MYO3B: variants seen among roughly 807,000 people sequenced by gnomAD.
MYO3B encodes myosin-IIIb.
A neutral mutation model predicts 174.6 loss-of-function variants in MYO3B; 156 were observed. The observed-to-expected ratio is 0.89, with a 90% CI of 0.78 to 1.02. The LOEUF (loss-of-function observed/expected upper bound fraction) is 1.02, where lower values mean the gene tolerates loss of function less well. Among genes scored for constraint, MYO3B ranks in the 50% least tolerant of loss-of-function variants. The pLI is 0.00. For synonymous variants in MYO3B, 563 were observed against 569.1 expected (o/e 0.99, Z 0.15); for missense variants, 1,632 against 1,639.4 (o/e 1.00, Z 0.08).
chr2:170,230,857 C>T (rs1304357886), intron 6 of MYO3B, among the ~76,000 whole-genome samples: 3 of 152,056 alleles, frequency 2.0e-5, no homozygotes, highest in Non-Finnish European at 2.9e-5. Flanking sequence ...AAAGGGGTTG[C>T]TTGGTTTGCT....
intron 8 of MYO3B, among the ~76,000 whole-genome samples, chr2:170,339,404 T>A (rs1237910594): frequency 2.0e-5 from 3 of 152,184 alleles, no homozygotes; most frequent in African/African-American, 7.2e-5. Context: ...ACTCTAGGTC[T>A]TTTTTAGTCC....
intron 7 of MYO3B, among the ~76,000 whole-genome samples, chr2:170,292,500 T>C (rs1013663194): frequency 6.6e-6 from 1 of 152,214 alleles, no homozygotes; most frequent in East Asian, 1.9e-4. Context: ...GTCTATGTCT[T>C]TGAAGGACTA....
At chr2:170,601,928 C>T in intron 32 of MYO3B, 1 of 829,994 alleles carries the variant, frequency 1.2e-6, no homozygotes, top group South Asian at 1.6e-5. Context: ...AGCAAAAAGG[C>T]CGAAGGAGGC....
chr2:170,190,717 G>T (rs73025134), intron 1 of MYO3B, among the ~76,000 whole-genome samples: 8,250 of 152,034 alleles, frequency 0.054, 549 homozygotes, highest in East Asian at 0.3. Context: ...AATGCTGCCA[G>T]GCCTGGGACT....
At chr2:170,362,166 C>T (rs1231547479) in intron 8 of MYO3B, among the ~76,000 whole-genome samples, 1 of 152,188 alleles carries the variant, frequency 6.6e-6, no homozygotes. Context: ...CCCATTTGCT[C>T]AGAGATGTGA....
chr2:170,653,079 T>C lies in MYO3B; in HGVS notation c.3984T>C (p.Phe1328=). 1 of 1,614,174 alleles carries C rather than the reference T, an allele frequency of 6.2e-7. No homozygotes were observed. The highest frequency in any genetic ancestry group is 2.2e-5 in the East Asian group (1 of 44,884). The change falls in exon 35 of 35, where the codon TTT becomes TTC. Residue 1328 remains phenylalanine, a synonymous_variant. Transcript: ENST00000408978. ...PEENNSAHPS[F]FSSSSKGDSF... ...AGAACAACTCAGCCCACCCTTCCTT[T>C]TTTTCTTCATCCTCAAAAGGAGACT... is the stretch of plus-strand genomic sequence containing the variant.
intron 9 of MYO3B, among the ~76,000 whole-genome samples, chr2:170,371,868 T>G (rs184333538): frequency 6.6e-5 from 10 of 151,924 alleles, no homozygotes; most frequent in Admixed American, 2.0e-4. Context: ...GTTGGGAGGC[T>G]GAGATAGGAG....
chr2:170,327,950 G>A (rs2093881348), intron 7 of MYO3B, among the ~76,000 whole-genome samples: 3 of 151,242 alleles, frequency 2.0e-5, no homozygotes, highest in African/African-American at 7.3e-5. Flanking sequence ...CACCCAGGCT[G>A]GAGTACAGTG....
At chr2:170,292,856 C>T (rs55858345) in intron 7 of MYO3B, among the ~76,000 whole-genome samples, 70,539 of 152,050 alleles carry the variant, frequency 0.46, 17,807 homozygotes, top group East Asian at 0.67. Context: ...GGTAGTCCTG[C>T]CTCCCACCTT....
chr2:170,515,935 GA>G (rs1367486176), intron 29 of MYO3B, among the ~76,000 whole-genome samples: 1 of 152,114 alleles, frequency 6.6e-6, no homozygotes, highest in Non-Finnish European at 1.5e-5. Context: ...AGTGTTTCTT[GA>G]ACTTGAGGAG....
At chr2:170,226,247 A>C (rs1310014964) in intron 6 of MYO3B, among the ~76,000 whole-genome samples, 2 of 152,228 alleles carry the variant, frequency 1.3e-5, no homozygotes, top group African/African-American at 4.8e-5. Context: ...GAGTTAAATG[A>C]GAGGTTTAGA....
chr2:170,311,590 A>G (rs774705704), intron 7 of MYO3B, among the ~76,000 whole-genome samples: 6 of 150,276 alleles, frequency 4.0e-5, no homozygotes, highest in Non-Finnish European at 8.8e-5. Context: ...ATGTCCTTTG[A>G]AACATAAAAG....
At chr2:170,512,536 A>G (rs969817691) in intron 28 of MYO3B, among the ~76,000 whole-genome samples, 3 of 152,140 alleles carry the variant, frequency 2.0e-5, no homozygotes, top group Non-Finnish European at 4.4e-5. Context: ...TACCCAGCCT[A>G]GATCACCAAC....
chr2:170,485,155 G>A (rs538064962), intron 25 of MYO3B, among the ~76,000 whole-genome samples: 8 of 151,956 alleles, frequency 5.3e-5, no homozygotes, highest in African/African-American at 1.7e-4. Context: ...GTATAGTCAC[G>A]ATTCTTTGAC....
intron 9 of MYO3B, among the ~76,000 whole-genome samples, chr2:170,371,703 A>C (rs1365658147): frequency 1.3e-5 from 2 of 148,490 alleles, no homozygotes; most frequent in African/African-American, 2.5e-5. Flanking sequence ...AAAAAAAAAA[A>C]CAGAAAAATT....
chr2:170,195,249 A>G lies in MYO3B; in HGVS notation c.3-3959A>G, dbSNP rs79423940. Among the ~76,000 whole-genome samples the G allele has an allele frequency of 9.7e-3, 1,483 of 152,156 alleles. 13 individuals carry two copies. The highest frequency in any genetic ancestry group is 0.041 in the Middle Eastern group (12 of 294). On this transcript the variant is annotated intron_variant, in intron 1 of 34. Coordinates refer to ENST00000408978, the MANE Select transcript of MYO3B (RefSeq NM_138995.5). ...CAGTGGGAAGAGGCATTCTGTTTTC[A>G]TGCCCAAAAGTTGGCTTTTGGCATG...
intron 32 of MYO3B, among the ~76,000 whole-genome samples, chr2:170,609,962 G>A (rs1695033675): frequency 2.0e-5 from 3 of 152,338 alleles, no homozygotes; most frequent in South Asian, 2.1e-4. Flanking sequence ...CCAAATGCCT[G>A]CAAAGGAAAG....
chr2:170,429,723 G>A (rs1414067932), intron 22 of MYO3B, among the ~76,000 whole-genome samples: 1 of 152,254 alleles, frequency 6.6e-6, no homozygotes, highest in Admixed American at 6.5e-5. Flanking sequence ...TCCATTTCCT[G>A]TCAAACTCAT....
intron 6 of MYO3B, among the ~76,000 whole-genome samples, chr2:170,228,274 CTG>C (rs1258407028): frequency 1.3e-5 from 2 of 152,176 alleles, no homozygotes; most frequent in Non-Finnish European, 2.9e-5. Flanking sequence ...CATGAACCAA[CTG>C]TGTGATTTCA....
Sources: allele counts gnomAD v4.1 joint callset (sites outside exome capture counted in the v4.1 genomes callset), GRCh38; gene constraint gnomAD v4.1.1; transcripts MANE v1.5; gene names NCBI Gene and HGNC (gene_info 2026-07-23, HGNC 2026-07-21).